BRD3: variants seen among roughly 807,000 people sequenced by gnomAD.
BRD3 encodes the protein bromodomain containing 3.
In BRD3, 17 loss-of-function variants were observed where a neutral mutation model predicts 66.8. The observed-to-expected ratio is 0.25, with a 90% CI of 0.17 to 0.38. BRD3 has a LOEUF of 0.38. Among genes scored for constraint, BRD3 ranks in the 10% least tolerant of loss-of-function variants. BRD3 has a pLI of 1.00. For missense variants in BRD3, 713 were observed against 956.1 expected, an observed-to-expected ratio of 0.75 and a Z score of 3.35; for synonymous variants, 421 against 393.2, an observed-to-expected ratio of 1.07 and a Z score of -0.84.
chr9:134,050,356 C>G lies in BRD3; in HGVS notation c.714+18G>C. 6.2e-7 allele frequency: 1 copy of G among 1,603,592 alleles called. No individual in the cohort carries two copies. The highest frequency in any genetic ancestry group is 8.5e-7 in the Non-Finnish European group (1 of 1,175,088). ...GCCGGGCTCAGGTGCCCCACCCATCCGGACTCAGGGTGCTCACCTTGACGA... is the reference window on the plus strand; with the variant it reads ...GCCGGGCTCAGGTGCCCCACCCATCGGGACTCAGGGTGCTCACCTTGACGA... On this transcript the variant is annotated intron_variant, in intron 5 of 11. Transcript: ENST00000303407.
intron 10 of BRD3, among the ~76,000 whole-genome samples, chr9:134,035,509 A>G (rs1458809637): frequency 6.6e-6 from 1 of 152,172 alleles, no homozygotes; most frequent in African/African-American, 2.4e-5. Context: ...ACTTCAGGGA[A>G]GCCTGGGCCG....
Position 134,051,878 on chromosome 9 carries a change from T to TATA in BRD3, c.352-170_352-169insTAT, listed in dbSNP as rs372701647. On this transcript the variant is annotated intron_variant, in intron 3 of 11. Transcript: ENST00000303407. The stretch of plus-strand genomic sequence containing the variant: ...GTGTGTGTGTGTGTGTGTGTGTGTG[T>TATA]TGTTTTTTTTGTTTTTTTTTTTTTT... 6.0e-5 allele frequency among the ~76,000 whole-genome samples: 7 copies of TATA among 116,314 alleles called. 1 individual carries two copies. Among genetic ancestry groups the TATA allele is most frequent in the Admixed American group, 1.7e-4 (2 of 11,860 alleles). The allele number at this position is 116,314 out of a possible 152,430, so 76.3% of individuals were successfully genotyped here.
rs758484241 is a variant in BRD3 at position 134,051,707 on chromosome 9, G to C, written c.354C>G (p.Pro118=). The C allele has an allele frequency of 7.5e-6, 12 of 1,590,484 alleles. No individual in the cohort carries two copies. In the African/African-American group the frequency reaches 1.5e-4, roughly 20 times the overall value. ...MFTNCYIYNK[P]TDDIVLMAQA... Reference sequence around the variant, plus strand: ...GGGCCATTAGCACTATGTCATCTGTGGGCTGAAGACACAGAGAGTCCAGGT... The same window carrying C: ...GGGCCATTAGCACTATGTCATCTGTCGGCTGAAGACACAGAGAGTCCAGGT... Residue 118 remains proline, a splice_region_variant and synonymous_variant, in exon 4 of 12, where the codon CCC becomes CCG. Coordinates refer to ENST00000303407, the MANE Select transcript of BRD3 (RefSeq NM_007371.4).
Position 134,032,659 on chromosome 9 carries a change from A to G in BRD3, c.*931T>C, listed in dbSNP as rs1843528679. Reference sequence around the variant, plus strand: ...TGCATTTCTTCTGCGGTTTTTTCTTATTTTCTTTTTTTTAAAAATGACCAA... The same window carrying G: ...TGCATTTCTTCTGCGGTTTTTTCTTGTTTTCTTTTTTTTAAAAATGACCAA... On this transcript the variant is annotated 3_prime_UTR_variant, in exon 12 of 12. Coordinates refer to ENST00000303407, the MANE Select transcript of BRD3 (RefSeq NM_007371.4). The G allele has an allele frequency of 4.4e-6, 1 of 226,182 alleles. No individual in the cohort carries two copies. The highest frequency in any genetic ancestry group is 2.2e-5 in the African/African-American group (1 of 44,840). The allele number at this position is 226,182 out of a possible 1,614,324, so 14.0% of individuals were successfully genotyped here.
chr9:134,060,276 G>C (rs938567308), intron 1 of BRD3, among the ~76,000 whole-genome samples: 1 of 152,196 alleles, frequency 6.6e-6, no homozygotes, highest in African/African-American at 2.4e-5. Context: ...CGAAAACCCA[G>C]CAGTGAGTGG....
intron 9 of BRD3, among the ~76,000 whole-genome samples, 173 bp downstream of exon 9, chr9:134,039,861 G>A (rs1315580314): frequency 6.6e-6 from 1 of 152,204 alleles, no homozygotes. Flanking sequence ...CATCACCTGG[G>A]CCCCCGGACT....
chr9:134,035,984 A>C, intron 10 of BRD3, 48 bp downstream of exon 10: 3 of 1,550,068 alleles, frequency 1.9e-6, no homozygotes, highest in Non-Finnish European at 2.6e-6. Context: ...GGGCAGGCCA[A>C]GGAGGGGAGA....
intron 5 of BRD3, among the ~76,000 whole-genome samples, chr9:134,048,837 C>A (rs1324826132): frequency 6.6e-6 from 1 of 152,188 alleles, no homozygotes; most frequent in Non-Finnish European, 1.5e-5. Flanking sequence ...GACCCGGGGA[C>A]CTCGGTGCTG....
At chr9:134,046,471 C>T (rs746521340) in intron 6 of BRD3, among the ~76,000 whole-genome samples, 2 of 152,204 alleles carry the variant, frequency 1.3e-5, no homozygotes, top group Non-Finnish European at 2.9e-5. Context: ...GGTCCTAACC[C>T]GCAGAGGGCG....
chr9:134,052,031 C>T (rs1406281353), intron 3 of BRD3, among the ~76,000 whole-genome samples: 1 of 151,930 alleles, frequency 6.6e-6, no homozygotes, highest in Non-Finnish European at 1.5e-5. Flanking sequence ...GCTGGGATTA[C>T]AGGTGCCTGC....
chr9:134,032,939 C>A lies in BRD3; in HGVS notation c.*651G>T. ...CCTGCAGGCTGCATACACAGCCGCT[C>A]TGTTCCCTCCGAGGAGCTCCTGACA... On this transcript the variant is annotated 3_prime_UTR_variant, in exon 12 of 12. Coordinates refer to ENST00000303407, the MANE Select transcript of BRD3 (RefSeq NM_007371.4). 1 of 375,358 alleles carries A rather than the reference C, an allele frequency of 2.7e-6. No homozygotes were observed. The highest frequency in any genetic ancestry group is 4.7e-6 in the Non-Finnish European group (1 of 212,498). 23.3% of individuals were successfully genotyped at this position (375,358 alleles called of 1,614,324 possible).
At chr9:134,050,314 T>A in intron 5 of BRD3, 60 bp downstream of exon 5, 1 of 1,532,538 alleles carries the variant, frequency 6.5e-7, no homozygotes. Context: ...GCTCCTGCCC[T>A]GACCTCAGGA....
In BRD3 at chr9:134,060,985, CCAGGGCTGTTT is replaced by C. The variant is rs564359964; in HGVS notation, c.-114+6949_-114+6959del. ...GAATTCATCAGAAAAGATGCTGAGT[CCAGGGCTGTTT>C]CAGGGCTGTGGACAAACAGGGAGGG... On this transcript the variant is annotated intron_variant, in intron 1 of 11. Coordinates refer to ENST00000303407, the MANE Select transcript of BRD3 (RefSeq NM_007371.4). Among the ~76,000 whole-genome samples the C allele has an allele frequency of 1.0e-3, 158 of 152,366 alleles. 1 individual carries two copies. The highest frequency in any genetic ancestry group is 3.6e-3 in the African/African-American group (150 of 41,600).
intron 1 of BRD3, among the ~76,000 whole-genome samples, chr9:134,062,134 G>A (rs996476116): frequency 2.0e-5 from 3 of 152,182 alleles, no homozygotes; most frequent in Admixed American, 2.0e-4. Flanking sequence ...AGGAGCCCTG[G>A]GGAGGGCAGC....
intron 7 of BRD3, among the ~76,000 whole-genome samples, chr9:134,042,732 TAC>T (rs1325826725): frequency 2.7e-5 from 4 of 148,740 alleles, no homozygotes; most frequent in South Asian, 4.2e-4. Flanking sequence ...CACATATATA[TAC>T]ACACATATAT....
chr9:134,068,260 C>T (rs1234744336), upstream of BRD3: 2 of 146,416 alleles, frequency 1.4e-5, no homozygotes, highest in African/African-American at 4.9e-5. Context: ...CGGCGCCCGC[C>T]CGGCAGGGCA....
intron 1 of BRD3, among the ~76,000 whole-genome samples, chr9:134,060,659 G>A (rs773451539): frequency 4.0e-5 from 6 of 151,890 alleles, no homozygotes; most frequent in South Asian, 4.1e-4. Context: ...AGTAGCCAGC[G>A]GGGAGAGGGC....
At chr9:134,058,853 G>A (rs1281839065) in intron 1 of BRD3, 1 of 152,336 alleles carries the variant, frequency 6.6e-6, no homozygotes. Flanking sequence ...GCTGGCCGAA[G>A]AGGGCTCCAT....
At chr9:134,047,970 G>A (rs1038290834) in intron 6 of BRD3, 113 bp downstream of exon 6, 11 of 1,381,840 alleles carry the variant, frequency 8.0e-6, no homozygotes, top group Admixed American at 6.2e-5. Context: ...GCGCTTCTCC[G>A]GCAAGCGAGA....
Sources: gnomAD v4.1 joint callset for allele counts (sites outside exome capture counted in the v4.1 genomes callset) on GRCh38, gnomAD v4.1.1 for gene constraint, MANE v1.5 for transcripts, NCBI Gene and HGNC (gene_info 2026-07-23, HGNC 2026-07-21) for gene names.